The following SUMF1 variants were observed in gnomAD, a reference collection of about 807,000 sequenced individuals.
The protein encoded by SUMF1 is formylglycine-generating enzyme.
Under a neutral mutation model 47.6 loss-of-function variants are expected in SUMF1, and 48 were observed. The ratio of observed to expected loss-of-function variants is 1.01; its 90% CI spans 0.80 to 1.28. The LOEUF (loss-of-function observed/expected upper bound fraction) is 1.28. Among genes scored for constraint, SUMF1 ranks in the 50% most tolerant of loss-of-function variants. The pLI is 0.00. For missense variants in SUMF1, 571 were observed against 485.4 expected (o/e 1.18, Z -1.66); for synonymous variants, 230 against 192.1 (o/e 1.20, Z -1.63).
At chr3:4,267,245 G>C (rs993274637) in intron 8 of SUMF1, among the ~76,000 whole-genome samples, 3 of 152,176 alleles carry the variant, frequency 2.0e-5, no homozygotes, top group South Asian at 2.1e-4. Flanking sequence ...CTCATAAAAT[G>C]AGTTAGGGAG....
intron 8 of SUMF1, among the ~76,000 whole-genome samples, chr3:4,253,773 G>A (rs1252262860): frequency 2.1e-5 from 3 of 146,098 alleles, no homozygotes; most frequent in Non-Finnish European, 4.5e-5. Flanking sequence ...GCTCAAGGAG[G>A]CCTGCCTGCC....
At chr3:4,378,961 C>A (rs1700413044) in intron 7 of SUMF1, among the ~76,000 whole-genome samples, 1 of 152,196 alleles carries the variant, frequency 6.6e-6, no homozygotes, top group Admixed American at 6.5e-5. Flanking sequence ...TGAACTAAGT[C>A]TGCAATCAAT....
chr3:4,046,932 G>C (rs1377574980), intron 9 of SUMF1, among the ~76,000 whole-genome samples: 1 of 151,934 alleles, frequency 6.6e-6, no homozygotes, highest in Non-Finnish European at 1.5e-5. Flanking sequence ...CCTGAATGTG[G>C]CCTAAACCCT....
chr3:4,286,023 A>G (rs1229296167), intron 8 of SUMF1, among the ~76,000 whole-genome samples: 2 of 152,138 alleles, frequency 1.3e-5, no homozygotes. Flanking sequence ...GGCCCAGAGC[A>G]AAGTATGCAG....
chr3:4,045,288 C>G (rs572380949), intron 9 of SUMF1, among the ~76,000 whole-genome samples: 1 of 151,942 alleles, frequency 6.6e-6, no homozygotes, highest in African/African-American at 2.4e-5. Context: ...CTAGCCTCCC[C>G]CTCCTAACAG....
chr3:4,162,093 G>C (rs1465819942), intron 8 of SUMF1, among the ~76,000 whole-genome samples: 1 of 152,058 alleles, frequency 6.6e-6, no homozygotes, highest in Non-Finnish European at 1.5e-5. Context: ...GGTGTACCTA[G>C]CAATATCATT....
chr3:4,356,577 CA>C, downstream of SUMF1, among the ~76,000 whole-genome samples: 2 of 144,584 alleles, frequency 1.4e-5, no homozygotes, highest in South Asian at 4.3e-4. Context: ...TAAATACATA[CA>C]ATTTTTTTTT....
chr3:4,448,056 G>A lies in SUMF1; in HGVS notation c.519+1210C>T, dbSNP rs115096224. 6.1e-3 allele frequency among the ~76,000 whole-genome samples: 928 copies of A among 152,118 alleles called. 10 individuals carry two copies. Among genetic ancestry groups the A allele is most frequent in the African/African-American group, 0.021 (877 of 41,488 alleles). ...AGCCCTTTAAAAAAAAAAGTAGGGC[G>A]GAGGGGAATATCAGATTACATATTA... On this transcript the variant is annotated intron_variant, in intron 3 of 8. Transcript: ENST00000272902.
intron 7 of SUMF1, among the ~76,000 whole-genome samples, chr3:4,400,067 T>C (rs924493310): frequency 6.6e-6 from 1 of 152,188 alleles, no homozygotes; most frequent in African/African-American, 2.4e-5. Context: ...TCTCGATTCA[T>C]ACCTCAAACC....
At chr3:4,377,383 C>A (rs1482678377) in intron 7 of SUMF1, among the ~76,000 whole-genome samples, 1 of 151,414 alleles carries the variant, frequency 6.6e-6, no homozygotes, top group African/African-American at 2.4e-5. Flanking sequence ...ACAGTTTGAG[C>A]ACTTTACAAA....
intron 8 of SUMF1, among the ~76,000 whole-genome samples, chr3:4,342,480 C>T (rs893393584): frequency 6.6e-6 from 1 of 152,198 alleles, no homozygotes; most frequent in Admixed American, 6.5e-5. Context: ...TTTCAGTGAG[C>T]TGATATCATG....
At chr3:4,455,818 T>C (rs1270686648) in intron 1 of SUMF1, among the ~76,000 whole-genome samples, 1 of 152,004 alleles carries the variant, frequency 6.6e-6, no homozygotes, top group Non-Finnish European at 1.5e-5. Context: ...TACCAATCCT[T>C]CTCAAATTCT....
intron 3 of SUMF1, among the ~76,000 whole-genome samples, chr3:4,442,241 T>C (rs936738697): frequency 6.6e-6 from 1 of 150,546 alleles, no homozygotes; most frequent in Non-Finnish European, 1.5e-5. Flanking sequence ...ACTCAAACAG[T>C]TGTGCACCAT....
intron 8 of SUMF1, among the ~76,000 whole-genome samples, chr3:4,208,868 G>C (rs183062774): frequency 1.1e-3 from 174 of 152,200 alleles, no homozygotes; most frequent in African/African-American, 4.1e-3. Context: ...GGGAATATCA[G>C]AAAGAGAAGA....
intron 8 of SUMF1, among the ~76,000 whole-genome samples, chr3:4,221,405 GT>G: frequency 7.7e-6 from 1 of 129,892 alleles, no homozygotes; most frequent in Admixed American, 7.9e-5. Flanking sequence ...TTTGGGTTTG[GT>G]TTTTTGGGGT....
At chr3:4,103,465 T>G (rs1387261311) in intron 8 of SUMF1, among the ~76,000 whole-genome samples, 1 of 151,990 alleles carries the variant, frequency 6.6e-6, no homozygotes, top group Middle Eastern at 3.2e-3. Flanking sequence ...GATTTTTTTT[T>G]GCTGGAACAT....
Position 4,302,610 on chromosome 3 carries a change from C to A in SUMF1, c.1014+73720G>T, listed in dbSNP as rs538493006. Among the ~76,000 whole-genome samples the A allele has an allele frequency of 7.9e-5, 12 of 152,200 alleles. No individual in the cohort carries two copies. In the South Asian group the frequency reaches 2.5e-3, roughly 32 times the overall value. On this transcript the variant is annotated intron_variant and NMD_transcript_variant, in intron 8 of 12. Transcript: ENST00000448413. ...TGTTGGACCCCCCTTCCCATCATGG[C>A]CTGAACCACTTTCTCAGGTTAACCT...
At chr3:4,366,554 C>T (rs1270342735) in intron 8 of SUMF1, among the ~76,000 whole-genome samples, 20 of 149,932 alleles carry the variant, frequency 1.3e-4, no homozygotes, top group Non-Finnish European at 2.2e-4. Context: ...CGAGCCTTGG[C>T]TTTCAGCTCC....
intron 8 of SUMF1, among the ~76,000 whole-genome samples, chr3:4,248,585 A>G (rs779157057): frequency 1.3e-5 from 2 of 152,146 alleles, no homozygotes; most frequent in African/African-American, 2.4e-5. Context: ...TTGCATCACC[A>G]CATACCTGAG....
Sources: allele counts gnomAD v4.1 joint callset (sites outside exome capture counted in the v4.1 genomes callset), GRCh38; gene constraint gnomAD v4.1.1; transcripts MANE v1.5; gene names NCBI Gene and HGNC (gene_info 2026-07-23, HGNC 2026-07-21).